The following CDH19 variants were observed in gnomAD, a reference collection of about 807,000 sequenced individuals.
CDH19 encodes cadherin 19, also known as cadherin-19.
In CDH19, 67 loss-of-function variants were observed where a neutral mutation model predicts 64.2. The ratio of observed to expected loss-of-function variants is 1.04; its 90% CI spans 0.86 to 1.28. CDH19 has a LOEUF of 1.28. Among genes scored for constraint, CDH19 ranks in the 50% most tolerant of loss-of-function variants. CDH19 has a pLI of 0.00. For synonymous variants in CDH19, 346 were observed against 319.3 expected (o/e 1.08, Z -0.89); for missense variants, 1,030 against 929.0 (o/e 1.11, Z -1.41).
chr18:66,524,369 G>A (rs1986123584), intron 9 of CDH19, among the ~76,000 whole-genome samples: 3 of 151,760 alleles, frequency 2.0e-5, no homozygotes, highest in East Asian at 3.9e-4. Context: ...TTAAGAGTTC[G>A]ATTGTACATA....
intron 1 of CDH19, among the ~76,000 whole-genome samples, chr18:66,601,867 T>C (rs184514622): frequency 6.6e-6 from 1 of 151,904 alleles, no homozygotes. Context: ...TTGTTTTGAT[T>C]TGATTTTAAA....
chr18:66,543,097 C>T (rs1986954255), intron 7 of CDH19, among the ~76,000 whole-genome samples: 2 of 152,178 alleles, frequency 1.3e-5, no homozygotes, highest in Admixed American at 6.5e-5. Context: ...GCAATCTTGG[C>T]TCACTGCAAG....
intron 3 of CDH19, among the ~76,000 whole-genome samples, chr18:66,568,015 A>C (rs1349740717): frequency 6.6e-6 from 1 of 151,828 alleles, no homozygotes; most frequent in Non-Finnish European, 1.5e-5. Flanking sequence ...TATACAATAG[A>C]GTCTAATAAA....
chr18:66,511,868 TTC>T (rs1195034196), intron 9 of CDH19, among the ~76,000 whole-genome samples, 183 bp from the exon 10 acceptor site: 1 of 151,624 alleles, frequency 6.6e-6, no homozygotes, highest in Non-Finnish European at 1.5e-5. Context: ...ATATGTTCAC[TTC>T]CTTTTTTCAA....
intron 1 of CDH19, among the ~76,000 whole-genome samples, chr18:66,586,038 C>T (rs1988568924): frequency 2.0e-5 from 3 of 151,966 alleles, no homozygotes; most frequent in Admixed American, 6.6e-5. Context: ...TTTCTATGAC[C>T]TCTTCTTGGT....
chr18:66,550,275 TTA>T (rs1172968873), intron 5 of CDH19, among the ~76,000 whole-genome samples: 1 of 152,168 alleles, frequency 6.6e-6, no homozygotes, highest in Non-Finnish European at 1.5e-5. Context: ...TACCATGTGT[TTA>T]TGTTTAGCTT....
rs1172209556 is a variant in CDH19 at position 66,554,407 on chromosome 18, G to A, written c.608C>T (p.Thr203Ile). ...TTGCTTGTTTCATTCACAAATACCT[G>A]TTGTTGGTTCAACAGAAAAATATGG... The part of the protein sequence containing the change: ...GQPYFSVEPT[T>I]GVIRISSKMD... Residue 203 changes from threonine to isoleucine, a missense_variant and splice_region_variant, in exon 4 of 12, where the codon ACA becomes ATA. By Grantham distance (89) the Thr-to-Ile change is moderately conservative. Transcript: ENST00000262150. 3 of 1,611,142 alleles carry A rather than the reference G, an allele frequency of 1.9e-6. No homozygotes were observed. In the Admixed American group the frequency reaches 5.0e-5, roughly 27 times the overall value.
chr18:66,507,729 C>T (rs772822930), intron 11 of CDH19, among the ~76,000 whole-genome samples: 1 of 151,862 alleles, frequency 6.6e-6, no homozygotes, highest in African/African-American at 2.4e-5. Context: ...CTTATACATT[C>T]CTCATTTCTA....
chr18:66,575,800 T>C (rs1179625190), intron 1 of CDH19, among the ~76,000 whole-genome samples: 1 of 151,754 alleles, frequency 6.6e-6, no homozygotes, highest in African/African-American at 2.4e-5. Flanking sequence ...TATCAGTAAA[T>C]AGAAAGACCT....
chr18:66,510,046 T>C (rs1985396338), intron 10 of CDH19, among the ~76,000 whole-genome samples: 2 of 151,860 alleles, frequency 1.3e-5, no homozygotes, highest in Non-Finnish European at 2.9e-5. Context: ...TGAATAACTT[T>C]TGTCATTGTA....
intron 5 of CDH19, among the ~76,000 whole-genome samples, chr18:66,548,440 A>G (rs1354227879): frequency 2.6e-5 from 4 of 151,910 alleles, no homozygotes; most frequent in African/African-American, 7.3e-5. Context: ...AAAGGGAAGA[A>G]AGACGAGATC....
intron 3 of CDH19, among the ~76,000 whole-genome samples, chr18:66,557,959 G>A (rs1389699577): frequency 6.6e-6 from 1 of 151,644 alleles, no homozygotes; most frequent in African/African-American, 2.4e-5. Flanking sequence ...GGCTCCACTA[G>A]CTATTCATTG....
chr18:66,584,039 A>T (rs139870597), intron 1 of CDH19, among the ~76,000 whole-genome samples: 2 of 152,262 alleles, frequency 1.3e-5, no homozygotes, highest in East Asian at 3.9e-4. Context: ...GCACAGCAAA[A>T]TAAACTATTA....
intron 4 of CDH19, among the ~76,000 whole-genome samples, chr18:66,553,273 T>C (rs1341961138): frequency 7.4e-6 from 1 of 134,590 alleles, no homozygotes; most frequent in African/African-American, 3.4e-5. Flanking sequence ...GCAAGTTGTA[T>C]AACATTTGGT....
chr18:66,573,893 C>CCACA (rs140587493), intron 1 of CDH19, among the ~76,000 whole-genome samples: 3,724 of 145,030 alleles, frequency 0.026, 74 homozygotes, highest in African/African-American at 0.055. Context: ...ACCACTGAAG[C>CCACA]CACACACACA....
chr18:66,595,922 T>C (rs901156157), intron 1 of CDH19, among the ~76,000 whole-genome samples: 3 of 151,984 alleles, frequency 2.0e-5, no homozygotes, highest in African/African-American at 7.2e-5. Flanking sequence ...CTCAACAAAA[T>C]ACTAACAAAC....
intron 3 of CDH19, among the ~76,000 whole-genome samples, chr18:66,566,540 C>T (rs1189068280): frequency 6.6e-6 from 1 of 151,876 alleles, no homozygotes; most frequent in Non-Finnish European, 1.5e-5. Flanking sequence ...ATTACTTCCT[C>T]TTATTCTTCC....
intron 1 of CDH19, among the ~76,000 whole-genome samples, chr18:66,589,263 T>TAC (rs1555692801): frequency 6.7e-6 from 1 of 148,948 alleles, no homozygotes; most frequent in Admixed American, 6.7e-5. Flanking sequence ...TATATATATA[T>TAC]ACACACATAT....
chr18:66,531,163 A>G (rs1457406083), intron 8 of CDH19, among the ~76,000 whole-genome samples: 1 of 152,098 alleles, frequency 6.6e-6, no homozygotes, highest in Non-Finnish European at 1.5e-5. Flanking sequence ...CTTAAGCTAC[A>G]GTCTAAGGTA....
Sources: allele counts gnomAD v4.1 joint callset (sites outside exome capture counted in the v4.1 genomes callset), GRCh38; gene constraint gnomAD v4.1.1; transcripts MANE v1.5; gene names NCBI Gene and HGNC (gene_info 2026-07-23, HGNC 2026-07-21).